GTF2F2: variants seen among roughly 807,000 people sequenced by gnomAD.
GTF2F2 encodes the protein ATP-dependent helicase GTF2F2.
A neutral mutation model predicts 42.2 loss-of-function variants in GTF2F2; 23 were observed. The observed-to-expected ratio is 0.55, with a 90% CI of 0.39 to 0.77. The LOEUF is 0.77. Among genes scored for constraint, GTF2F2 ranks in the 30% least tolerant of loss-of-function variants. The pLI is 0.00. For synonymous variants in GTF2F2, 105 were observed against 100.8 expected (o/e 1.04, Z -0.25); for missense variants, 261 against 287.2 (o/e 0.91, Z 0.66).
chr13:45,152,416 A>G (rs1870544317), intron 4 of GTF2F2, among the ~76,000 whole-genome samples: 1 of 152,242 alleles, frequency 6.6e-6, no homozygotes, highest in South Asian at 2.1e-4. Context: ...TGGTTCATCA[A>G]GCTGCCTTCT....
At chr13:45,276,580 G>C (rs1313294757) in intron 7 of GTF2F2, among the ~76,000 whole-genome samples, 4 of 152,190 alleles carry the variant, frequency 2.6e-5, no homozygotes, top group Middle Eastern at 6.8e-3. Flanking sequence ...GGGACTACAG[G>C]TGCCTGACAC....
chr13:45,173,516 C>T (rs1479496187), intron 4 of GTF2F2, among the ~76,000 whole-genome samples: 2 of 151,966 alleles, frequency 1.3e-5, no homozygotes, highest in Non-Finnish European at 2.9e-5. Context: ...AACCGTGCCA[C>T]CTTCCTCCTA....
chr13:45,250,760 A>G (rs1875845279), intron 5 of GTF2F2, among the ~76,000 whole-genome samples: 1 of 152,206 alleles, frequency 6.6e-6, no homozygotes. Context: ...CACCCCGAGA[A>G]TAGTAAGAGG....
chr13:45,210,235 C>G (rs574866128), intron 5 of GTF2F2, among the ~76,000 whole-genome samples: 1 of 152,318 alleles, frequency 6.6e-6, no homozygotes, highest in African/African-American at 2.4e-5. Flanking sequence ...TCTACACCTT[C>G]TTGCCATCCT....
intron 5 of GTF2F2, among the ~76,000 whole-genome samples, chr13:45,212,521 TC>T (rs1158005369): frequency 8.4e-6 from 1 of 118,894 alleles, no homozygotes; most frequent in Non-Finnish European, 1.8e-5. Flanking sequence ...TCTTTCTTTC[TC>T]TTTCTCTCTT....
At chr13:45,282,106 G>A (rs1183386381) in intron 7 of GTF2F2, among the ~76,000 whole-genome samples, 2 of 152,152 alleles carry the variant, frequency 1.3e-5, no homozygotes, top group African/African-American at 4.8e-5. Flanking sequence ...GAGGAGGCAG[G>A]AGAATCGCTT....
chr13:45,253,199 GTTT>G (rs1450574188), intron 6 of GTF2F2, among the ~76,000 whole-genome samples: 1 of 151,862 alleles, frequency 6.6e-6, no homozygotes, highest in Non-Finnish European at 1.5e-5. Flanking sequence ...GGCAACCACT[GTTT>G]AAAGTACCCT....
chr13:45,245,939 CAA>C (rs562692270), intron 5 of GTF2F2, among the ~76,000 whole-genome samples: 7 of 74,810 alleles, frequency 9.4e-5, no homozygotes, highest in Admixed American at 3.0e-4. Flanking sequence ...GACTCCATCT[CAA>C]AAAAAAAAAA....
At chr13:45,213,669 CCTTT>C (rs933556959) in intron 5 of GTF2F2, among the ~76,000 whole-genome samples, 4 of 144,686 alleles carry the variant, frequency 2.8e-5, no homozygotes, top group Admixed American at 6.8e-5. Context: ...TCCTTTCCTT[CCTTT>C]CTTTTTTTTT....
At chr13:45,236,136 GCTTGGCAGTC>G (rs1286379083) in intron 5 of GTF2F2, among the ~76,000 whole-genome samples, 1 of 152,066 alleles carries the variant, frequency 6.6e-6, no homozygotes, top group Admixed American at 6.6e-5. Context: ...ATATTCAAGG[GCTTGGCAGTC>G]CCAAATACAT....
chr13:45,159,629 C>T (rs764664302), intron 4 of GTF2F2, among the ~76,000 whole-genome samples: 10 of 152,302 alleles, frequency 6.6e-5, no homozygotes, highest in Admixed American at 3.9e-4. Context: ...TGCGCCACCA[C>T]GCCGGGCTAA....
intron 5 of GTF2F2, among the ~76,000 whole-genome samples, chr13:45,243,460 G>A (rs1193735781): frequency 6.6e-6 from 1 of 152,168 alleles, no homozygotes; most frequent in East Asian, 1.9e-4. Context: ...GGATGGAACA[G>A]TTTCATTTGC....
At chr13:45,242,469 C>G (rs1875366179) in intron 5 of GTF2F2, among the ~76,000 whole-genome samples, 1 of 151,942 alleles carries the variant, frequency 6.6e-6, no homozygotes, top group African/African-American at 2.4e-5. Context: ...AGAACCTATC[C>G]TTTAAAAAAT....
intron 1 of GTF2F2, among the ~76,000 whole-genome samples, chr13:45,132,959 T>G (rs1869439774): frequency 6.6e-6 from 1 of 152,224 alleles, no homozygotes; most frequent in African/African-American, 2.4e-5. Context: ...TGTAACCATG[T>G]ATTTAATGTG....
chr13:45,216,536 A>G (rs1566138410), intron 5 of GTF2F2, among the ~76,000 whole-genome samples: 1 of 151,588 alleles, frequency 6.6e-6, no homozygotes, highest in Non-Finnish European at 1.5e-5. Flanking sequence ...TTTGTTTTTG[A>G]GATAGAGTCT....
intron 5 of GTF2F2, among the ~76,000 whole-genome samples, chr13:45,212,055 G>A (rs79087759): frequency 6.6e-6 from 1 of 152,070 alleles, no homozygotes; most frequent in Non-Finnish European, 1.5e-5. Flanking sequence ...AGACAGTGTC[G>A]TGGAGGAAAG....
intron 4 of GTF2F2, among the ~76,000 whole-genome samples, chr13:45,153,665 T>C (rs1454134438): frequency 6.6e-6 from 1 of 152,092 alleles, no homozygotes; most frequent in African/African-American, 2.4e-5. Flanking sequence ...AGAAGCACAT[T>C]TGAATTCAGT....
At chr13:45,264,999 G>C (rs1381954357) in intron 6 of GTF2F2, among the ~76,000 whole-genome samples, 1 of 152,228 alleles carries the variant, frequency 6.6e-6, no homozygotes, top group Admixed American at 6.5e-5. Context: ...GGTGGCTCAC[G>C]CCTGTAATCC....
intron 4 of GTF2F2, among the ~76,000 whole-genome samples, chr13:45,160,038 C>T (rs1219447836): frequency 3.3e-5 from 5 of 152,128 alleles, no homozygotes; most frequent in Non-Finnish European, 7.4e-5. Flanking sequence ...GCTTTATTTA[C>T]CTTATCTATC....
Sources: allele counts gnomAD v4.1 joint callset (sites outside exome capture counted in the v4.1 genomes callset), GRCh38; gene constraint gnomAD v4.1.1; transcripts MANE v1.5; gene names NCBI Gene and HGNC (gene_info 2026-07-23, HGNC 2026-07-21).